GALNTL6: variants seen among roughly 807,000 people sequenced by gnomAD.
GALNTL6 encodes the protein polypeptide N-acetylgalactosaminyltransferase like 6.
Under a neutral mutation model 73.7 loss-of-function variants are expected in GALNTL6, and 46 were observed. The ratio of observed to expected loss-of-function variants is 0.62; its 90% CI spans 0.49 to 0.80. The LOEUF (loss-of-function observed/expected upper bound fraction) is 0.80. GALNTL6 is among the 30% of genes least tolerant of loss of function. GALNTL6 has a pLI of 0.00. For missense variants in GALNTL6, 604 were observed against 755.0 expected, an observed-to-expected ratio of 0.80 and a Z score of 2.34; for synonymous variants, 259 against 263.7, an observed-to-expected ratio of 0.98 and a Z score of 0.17.
intron 5 of GALNTL6, among the ~76,000 whole-genome samples, chr4:172,535,479 C>T (rs76078207): frequency 0.03 from 4,532 of 152,236 alleles, 94 homozygotes; most frequent in Non-Finnish European, 0.048. Flanking sequence ...GACTTAACAA[C>T]GAATTACTTT....
At chr4:173,028,700 A>G (rs1753334004) in intron 12 of GALNTL6, among the ~76,000 whole-genome samples, 1 of 152,196 alleles carries the variant, frequency 6.6e-6, no homozygotes, top group South Asian at 2.1e-4. Flanking sequence ...GCCTTCATAA[A>G]CCCCAACCTG....
At chr4:172,984,821 G>A (rs1487847105) in intron 10 of GALNTL6, among the ~76,000 whole-genome samples, 1 of 151,968 alleles carries the variant, frequency 6.6e-6, no homozygotes, top group African/African-American at 2.4e-5. Context: ...CAAAAACACT[G>A]CCATGTAAAG....
Position 172,726,480 on chromosome 4 carries a change from G to A in GALNTL6, c.554-82881G>A, listed in dbSNP as rs551553181. Among the ~76,000 whole-genome samples the A allele has an allele frequency of 2.6e-3, 393 of 152,336 alleles. 1 individual carries two copies. The highest frequency in any genetic ancestry group is 6.3e-3 in the Admixed American group (96 of 15,308). On this transcript the variant is annotated intron_variant, in intron 5 of 12. Transcript: ENST00000506823. Reference sequence around the variant, plus strand: ...GGAGAGCTTGGCTGCCTTCAGCCAAGCAATCTGAAGCTATGCAAACTCTCA... The same window carrying A: ...GGAGAGCTTGGCTGCCTTCAGCCAAACAATCTGAAGCTATGCAAACTCTCA...
intron 5 of GALNTL6, among the ~76,000 whole-genome samples, chr4:172,394,492 T>C (rs1008890618): frequency 2.7e-5 from 4 of 145,868 alleles, no homozygotes; most frequent in Non-Finnish European, 6.0e-5. Flanking sequence ...AGTGCAGTGG[T>C]GCAATTTTAG....
At chr4:172,369,800 C>T (rs1017078329) in intron 5 of GALNTL6, among the ~76,000 whole-genome samples, 3 of 152,172 alleles carry the variant, frequency 2.0e-5, no homozygotes, top group Non-Finnish European at 4.4e-5. Flanking sequence ...ACCTGGAACT[C>T]GCACTTGTGC....
At chr4:172,271,798 T>C (rs1288924079) in intron 3 of GALNTL6, among the ~76,000 whole-genome samples, 1 of 151,952 alleles carries the variant, frequency 6.6e-6, no homozygotes, top group Non-Finnish European at 1.5e-5. Context: ...CAGATATGCA[T>C]GATGAAAGAA....
intron 2 of GALNTL6, among the ~76,000 whole-genome samples, chr4:172,070,811 C>A (rs1731516713): frequency 9.1e-6 from 1 of 109,786 alleles, no homozygotes; most frequent in Non-Finnish European, 2.0e-5. Flanking sequence ...TTACTGAAAG[C>A]ACTGTTTCTG....
At chr4:172,614,737 T>C (rs1041820135) in intron 5 of GALNTL6, among the ~76,000 whole-genome samples, 4 of 152,166 alleles carry the variant, frequency 2.6e-5, no homozygotes, top group African/African-American at 9.7e-5. Context: ...AGATTGGCTG[T>C]TATTCTTAAA....
intron 3 of GALNTL6, among the ~76,000 whole-genome samples, chr4:172,242,830 T>A (rs1401900272): frequency 2.0e-5 from 3 of 152,248 alleles, no homozygotes; most frequent in Non-Finnish European, 4.4e-5. Flanking sequence ...GCCCTCGCTG[T>A]TTATTGGCAC....
At chr4:172,074,634 C>A (rs992407515) in intron 2 of GALNTL6, among the ~76,000 whole-genome samples, 7 of 151,968 alleles carry the variant, frequency 4.6e-5, no homozygotes, top group Non-Finnish European at 7.4e-5. Context: ...TGGATCCAGG[C>A]ACTGTGCAAT....
intron 5 of GALNTL6, among the ~76,000 whole-genome samples, chr4:172,387,026 T>A (rs185839054): frequency 6.6e-6 from 1 of 152,234 alleles, no homozygotes; most frequent in East Asian, 1.9e-4. Flanking sequence ...TTACCAGCTA[T>A]CTGTGTATAC....
intron 3 of GALNTL6, among the ~76,000 whole-genome samples, chr4:172,293,682 G>T (rs999529539): frequency 6.6e-6 from 1 of 151,420 alleles, no homozygotes; most frequent in African/African-American, 2.4e-5. Context: ...ATTCTCACTT[G>T]CACAGGATAT....
At chr4:171,990,729 T>C (rs929154045) in intron 2 of GALNTL6, among the ~76,000 whole-genome samples, 1 of 152,132 alleles carries the variant, frequency 6.6e-6, no homozygotes, top group African/African-American at 2.4e-5. Context: ...GAGTAAAACT[T>C]AAAAAGAGAA....
intron 2 of GALNTL6, among the ~76,000 whole-genome samples, chr4:172,148,072 G>T (rs1236034766): frequency 6.6e-6 from 1 of 151,972 alleles, no homozygotes; most frequent in East Asian, 1.9e-4. Context: ...TCATAACATG[G>T]TATGACTCAA....
chr4:172,381,462 C>T (rs1338890013), intron 5 of GALNTL6, among the ~76,000 whole-genome samples: 1 of 152,194 alleles, frequency 6.6e-6, no homozygotes, highest in Non-Finnish European at 1.5e-5. Flanking sequence ...AACCAGTAAT[C>T]TACCTTCTTT....
At chr4:172,566,050 T>C (rs1053412656) in intron 5 of GALNTL6, among the ~76,000 whole-genome samples, 1 of 152,108 alleles carries the variant, frequency 6.6e-6, no homozygotes, top group Non-Finnish European at 1.5e-5. Context: ...ATAAAATAAA[T>C]ACTGATAAAA....
intron 5 of GALNTL6, among the ~76,000 whole-genome samples, chr4:172,784,665 A>C (rs1234195588): frequency 6.6e-6 from 1 of 152,162 alleles, no homozygotes; most frequent in Non-Finnish European, 1.5e-5. Context: ...TATAATTAGA[A>C]AAATTTCCCT....
At chr4:172,011,969 G>A (rs1054822700) in intron 2 of GALNTL6, among the ~76,000 whole-genome samples, 1 of 151,922 alleles carries the variant, frequency 6.6e-6, no homozygotes, top group African/African-American at 2.4e-5. Flanking sequence ...GCTAAGTAAT[G>A]GAGAATTTTT....
At chr4:172,216,330 GTT>G (rs57059035) in intron 2 of GALNTL6, among the ~76,000 whole-genome samples, 1 of 144,706 alleles carries the variant, frequency 6.9e-6, no homozygotes, top group African/African-American at 2.5e-5. Flanking sequence ...CAGTGTTTTT[GTT>G]TTTTTTTTCT....
Sources: gnomAD v4.1 joint callset for allele counts (sites outside exome capture counted in the v4.1 genomes callset) on GRCh38, gnomAD v4.1.1 for gene constraint, MANE v1.5 for transcripts, NCBI Gene and HGNC (gene_info 2026-07-23, HGNC 2026-07-21) for gene names.